The following MYZAP variants were observed in gnomAD, a reference collection of about 807,000 sequenced individuals.
MYZAP encodes the protein myocardial zonula adherens protein.
In MYZAP, 66 loss-of-function variants were observed where a neutral mutation model predicts 69.4. The observed-to-expected ratio is 0.95, with a 90% CI of 0.78 to 1.17. The LOEUF (loss-of-function observed/expected upper bound fraction) is 1.17. MYZAP is among the 50% of genes most tolerant of loss of function. MYZAP has a pLI of 0.00. For synonymous variants in MYZAP, 256 were observed against 205.9 expected (o/e 1.24, Z -2.09); for missense variants, 611 against 556.2 (o/e 1.10, Z -0.99).
intron 6 of MYZAP, 132 bp from the exon 7 acceptor site, chr15:57,632,302 G>A: frequency 7.0e-7 from 1 of 1,435,554 alleles, no homozygotes; most frequent in Non-Finnish European, 9.4e-7. Flanking sequence ...AGGTCTTGCT[G>A]TGTCTCTCTG....
Position 57,591,952 on chromosome 15 carries a change from C to G in MYZAP, c.-83C>G. 8.2e-7 allele frequency: 1 copy of G among 1,220,682 alleles called. No individual in the cohort carries two copies. The highest frequency in any genetic ancestry group is 1.0e-6 in the Non-Finnish European group (1 of 971,824). The allele number at this position is 1,220,682 out of a possible 1,614,324, so 75.6% of individuals were successfully genotyped here. Reference sequence around the variant, plus strand: ...AAGTAGCCGGCGCCGTCCCGCGTCGCCCCCGCGCAGGGCGGGCCCCGCACG... The same window carrying G: ...AAGTAGCCGGCGCCGTCCCGCGTCGGCCCCGCGCAGGGCGGGCCCCGCACG... On this transcript the variant is annotated 5_prime_UTR_variant, in exon 1 of 13. Transcript: ENST00000267853.
intron 12 of MYZAP, 36 bp from the exon 13 acceptor site, chr15:57,684,366 T>C (rs771490614): frequency 6.8e-7 from 1 of 1,462,596 alleles, no homozygotes; most frequent in South Asian, 1.2e-5. Context: ...TTTTGTTTTG[T>C]TTCATTTTCC....
intron 11 of MYZAP, among the ~76,000 whole-genome samples, chr15:57,673,206 G>T (rs2038950769): frequency 6.6e-6 from 1 of 152,152 alleles, no homozygotes. Flanking sequence ...CTGTGTATCA[G>T]TTGCGGCATA....
At chr15:57,613,215 A>T (rs1009621812) in intron 2 of MYZAP, among the ~76,000 whole-genome samples, 1 of 152,148 alleles carries the variant, frequency 6.6e-6, no homozygotes, top group Non-Finnish European at 1.5e-5. Flanking sequence ...TACAGGCATG[A>T]GCCACCATTC....
At chr15:57,631,743 A>G (rs1036910821) in intron 6 of MYZAP, among the ~76,000 whole-genome samples, 1 of 152,214 alleles carries the variant, frequency 6.6e-6, no homozygotes, top group African/African-American at 2.4e-5. Flanking sequence ...TAACCTATTG[A>G]GTTTGAAGAA....
intron 5 of MYZAP, among the ~76,000 whole-genome samples, chr15:57,626,799 C>A (rs1226569826): frequency 6.6e-6 from 1 of 152,218 alleles, no homozygotes; most frequent in African/African-American, 2.4e-5. Context: ...GTTGGTATGG[C>A]AGCAGTGACA....
intron 8 of MYZAP, 80 bp downstream of exon 8, chr15:57,633,821 A>G: frequency 7.4e-7 from 1 of 1,344,840 alleles, no homozygotes; most frequent in Non-Finnish European, 9.6e-7. Context: ...GAGGCCCTGG[A>G]TATGGATTCC....
chr15:57,592,360 C>CT (rs1472925214), intron 1 of MYZAP, among the ~76,000 whole-genome samples: 6 of 152,164 alleles, frequency 3.9e-5, no homozygotes, highest in Non-Finnish European at 7.4e-5. Flanking sequence ...TCCTTCCTGC[C>CT]TTTCTGTCAA....
rs745806929 is a variant in MYZAP, at chr15:57,629,711, G to A, written c.535G>A (p.Val179Met). Residue 179 changes from valine to methionine, a missense_variant, in exon 6 of 13, where the codon GTG becomes ATG. By Grantham distance (21) the Val-to-Met change is conservative. Coordinates refer to ENST00000267853, the MANE Select transcript of MYZAP (RefSeq NM_001018100.5). ...ATTTTCATCCTCACAGAAAACCCTCGTGGATGTGACTTTGGAAAACAGCAA... is the reference window on the plus strand; with the variant it reads ...ATTTTCATCCTCACAGAAAACCCTCATGGATGTGACTTTGGAAAACAGCAA... ...SDSIGLQKTL[V>M]DVTLENSNIK... 10 of 1,608,396 alleles carry A rather than the reference G, an allele frequency of 6.2e-6. No individual in the cohort carries two copies. Among genetic ancestry groups the A allele is most frequent in the Middle Eastern group, 1.7e-4 (1 of 6,054 alleles).
chr15:57,627,922 G>A (rs566047946), intron 5 of MYZAP, among the ~76,000 whole-genome samples: 24 of 152,314 alleles, frequency 1.6e-4, no homozygotes, highest in African/African-American at 5.8e-4. Flanking sequence ...GTGACTCCAT[G>A]CTTCCAAATA....
chr15:57,618,874 A>G (rs2035637169), intron 3 of MYZAP, among the ~76,000 whole-genome samples: 1 of 152,158 alleles, frequency 6.6e-6, no homozygotes. Context: ...CTTATATGGA[A>G]GAGGAGATGG....
At chr15:57,597,310 T>TC (rs1194750797) in intron 1 of MYZAP, among the ~76,000 whole-genome samples, 1 of 152,202 alleles carries the variant, frequency 6.6e-6, no homozygotes, top group Admixed American at 6.5e-5. Flanking sequence ...CGAGGCCTCA[T>TC]CCCAAACCAA....
intron 10 of MYZAP, 139 bp downstream of exon 10, chr15:57,639,684 G>A (rs2037026495): frequency 1.1e-6 from 1 of 943,498 alleles, no homozygotes; most frequent in African/African-American, 1.6e-5. Flanking sequence ...TAGGCCCAGA[G>A]TGGGATTTCC....
intron 5 of MYZAP, among the ~76,000 whole-genome samples, chr15:57,627,653 A>T (rs1456012244): frequency 6.6e-6 from 1 of 152,140 alleles, no homozygotes; most frequent in African/African-American, 2.4e-5. Flanking sequence ...CCTTGGTTTG[A>T]TTCCATAGAA....
rs181371729 is a variant in MYZAP at position 57,676,513 on chromosome 15, A to G, written c.1304+1445A>G. On this transcript the variant is annotated intron_variant, in intron 12 of 12. Transcript: ENST00000267853. ...TCTCATCATATTCAGATATATTTTC[A>G]TATATGAAAATATAACCAAAAAGAA... Among the ~76,000 whole-genome samples the G allele has an allele frequency of 1.5e-3, 231 of 150,156 alleles. 1 individual carries two copies. The highest frequency in any genetic ancestry group is 5.1e-3 in the African/African-American group (210 of 41,050).
intron 5 of MYZAP, among the ~76,000 whole-genome samples, chr15:57,628,433 C>G (rs1167814965): frequency 6.6e-6 from 1 of 152,034 alleles, no homozygotes; most frequent in Non-Finnish European, 1.5e-5. Context: ...CCATGTCTAG[C>G]TGGTTTTTAA....
intron 3 of MYZAP, 28 bp downstream of exon 3, chr15:57,618,216 C>T (rs375935328): frequency 1.9e-6 from 3 of 1,607,914 alleles, no homozygotes; most frequent in South Asian, 1.1e-5. Context: ...TTTTGCCCCC[C>T]ACCTGTATTC....
intron 12 of MYZAP, among the ~76,000 whole-genome samples, chr15:57,682,783 A>C (rs1425848227): frequency 1.3e-5 from 2 of 152,168 alleles, no homozygotes; most frequent in African/African-American, 4.8e-5. Context: ...TTCCACATCC[A>C]CAAACTGTGT....
intron 12 of MYZAP, among the ~76,000 whole-genome samples, chr15:57,683,227 G>C (rs2039528108): frequency 1.3e-5 from 2 of 152,118 alleles, no homozygotes; most frequent in Non-Finnish European, 2.9e-5. Flanking sequence ...AGCCTGGCTG[G>C]GAAAGGAAAA....
Sources: allele counts gnomAD v4.1 joint callset (sites outside exome capture counted in the v4.1 genomes callset), GRCh38; gene constraint gnomAD v4.1.1; transcripts MANE v1.5; gene names NCBI Gene and HGNC (gene_info 2026-07-23, HGNC 2026-07-21).